GPR158: variants seen among roughly 807,000 people sequenced by gnomAD.
GPR158 encodes metabotropic glycine receptor.
A neutral mutation model predicts 78.2 loss-of-function variants in GPR158; 30 were observed. The observed-to-expected ratio is 0.38, with a 90% confidence interval of 0.29 to 0.52. GPR158 has a LOEUF of 0.52. Among genes scored for constraint, GPR158 ranks in the 20% least tolerant of loss-of-function variants. The probability of loss-of-function intolerance (pLI) is 0.83; values close to 1 mark genes in which losing one functional copy is unlikely to be tolerated. For missense variants in GPR158, 1,463 were observed against 1,523.5 expected (o/e 0.96, Z 0.66); for synonymous variants, 581 against 591.1 (o/e 0.98, Z 0.25).
Position 25,572,718 on chromosome 10 carries a change from G to A in GPR158, c.1584G>A (p.Arg528=), listed in dbSNP as rs377688066. The A allele has an allele frequency of 5.0e-6, 8 of 1,613,952 alleles. No individual in the cohort carries two copies. The highest frequency in any genetic ancestry group is 6.8e-6 in the Non-Finnish European group (8 of 1,179,900). Residue 528 remains arginine, a synonymous_variant, in exon 7 of 11, where the codon AGG becomes AGA. Coordinates refer to ENST00000376351, the MANE Select transcript of GPR158 (RefSeq NM_020752.3). ...IPYMTGGRVM[R]MLAVILLVVF... ...ATATGACTGGCGGACGGGTCATGAGGATGCTGGCAGTAATACTCTTGGTAG... is the reference window on the plus strand; with the variant it reads ...ATATGACTGGCGGACGGGTCATGAGAATGCTGGCAGTAATACTCTTGGTAG...
chr10:25,302,596 A>G (rs1854615533), intron 2 of GPR158, among the ~76,000 whole-genome samples: 1 of 152,064 alleles, frequency 6.6e-6, no homozygotes, highest in Non-Finnish European at 1.5e-5. Context: ...CCAGGTAGTA[A>G]ATATTTTGGG....
intron 4 of GPR158, among the ~76,000 whole-genome samples, chr10:25,452,034 T>TTGGTC (rs2130602075): frequency 6.6e-6 from 1 of 151,706 alleles, no homozygotes; most frequent in Admixed American, 6.6e-5. Context: ...TTGGTTTGGT[T>TTGGTC]TGGTTTTTGT....
intron 2 of GPR158, among the ~76,000 whole-genome samples, chr10:25,390,398 A>T (rs1199747190): frequency 6.6e-6 from 1 of 152,228 alleles, no homozygotes; most frequent in Non-Finnish European, 1.5e-5. Context: ...GATATAGATG[A>T]TGAAGTCCAG....
intron 6 of GPR158, among the ~76,000 whole-genome samples, chr10:25,553,824 C>T (rs929848622): frequency 6.6e-6 from 1 of 152,100 alleles, no homozygotes; most frequent in Non-Finnish European, 1.5e-5. Context: ...TTCAATTCTG[C>T]CATTACTTAT....
At chr10:25,346,389 G>C (rs1855371864) in intron 2 of GPR158, among the ~76,000 whole-genome samples, 1 of 151,866 alleles carries the variant, frequency 6.6e-6, no homozygotes, top group Non-Finnish European at 1.5e-5. Context: ...ATTATTCCTA[G>C]TGCCTCAAAA....
At position 25,484,793 on chromosome 10, in the gene GPR158, C is replaced by G. The variant is rs192846013; in HGVS notation, c.1404+18074C>G. Among the ~76,000 whole-genome samples, 231 of 152,182 alleles carry G rather than the reference C, an allele frequency of 1.5e-3. 1 individual carries two copies. Among genetic ancestry groups the G allele is most frequent in the African/African-American group, 5.2e-3 (217 of 41,536 alleles). ...GTAGTTACTGTTTCTTCCTTGAATA[C>G]AAAAATGCTTCTCAAATTTTCCCAT... On this transcript the variant is annotated intron_variant, in intron 5 of 10. Coordinates refer to ENST00000376351, the MANE Select transcript of GPR158 (RefSeq NM_020752.3).
intron 4 of GPR158, among the ~76,000 whole-genome samples, chr10:25,448,319 T>C (rs1224204596): frequency 6.6e-6 from 1 of 152,058 alleles, no homozygotes; most frequent in East Asian, 1.9e-4. Context: ...CTCGATCTTC[T>C]GACCTCATGA....
Position 25,469,831 on chromosome 10 carries a change from GC to G in GPR158, c.1404+3120del, listed in dbSNP as rs202178015. On this transcript the variant is annotated intron_variant, in intron 5 of 10. Coordinates refer to ENST00000376351, the MANE Select transcript of GPR158 (RefSeq NM_020752.3). ...AAAAGATGCAGCAAGAATCTAATGA[GC>G]CCCCCCCAACATTCACTGCTACCAC... 5.5e-4 allele frequency among the ~76,000 whole-genome samples: 75 copies of G among 136,162 alleles called. 1 individual carries two copies. The highest frequency in any genetic ancestry group is 2.9e-3 in the East Asian group (13 of 4,546). 89.3% of individuals were successfully genotyped at this position (136,162 alleles called of 152,430 possible). A position where few individuals can be genotyped will look rare whatever the true frequency, so the allele number is the denominator to read the frequency against.
At chr10:25,355,967 C>T (rs1855544435) in intron 2 of GPR158, among the ~76,000 whole-genome samples, 1 of 152,024 alleles carries the variant, frequency 6.6e-6, no homozygotes, top group Non-Finnish European at 1.5e-5. Flanking sequence ...TTTCACCTCC[C>T]CACTTTCTCT....
intron 5 of GPR158, among the ~76,000 whole-genome samples, chr10:25,538,214 C>T (rs1487799959): frequency 4.0e-5 from 6 of 151,230 alleles, no homozygotes; most frequent in African/African-American, 4.9e-5. Context: ...TCAGATTTGC[C>T]GTTGTTGTTG....
At chr10:25,584,813 G>A (rs1436809752) in intron 7 of GPR158, among the ~76,000 whole-genome samples, 1 of 152,172 alleles carries the variant, frequency 6.6e-6, no homozygotes, top group East Asian at 1.9e-4. Context: ...GAGACAAAAT[G>A]AAAATCTAAC....
At chr10:25,410,517 G>A (rs928129164) in intron 3 of GPR158, among the ~76,000 whole-genome samples, 1 of 152,130 alleles carries the variant, frequency 6.6e-6, no homozygotes, top group Admixed American at 6.5e-5. Context: ...TCAGGAAGCC[G>A]AGGCAGGAGA....
intron 2 of GPR158, among the ~76,000 whole-genome samples, chr10:25,292,020 G>C (rs1037329811): frequency 6.6e-6 from 1 of 151,964 alleles, no homozygotes; most frequent in African/African-American, 2.4e-5. Flanking sequence ...GCATAAACTT[G>C]GCCCCGGCAG....
chr10:25,206,603 T>A (rs373397852), intron 1 of GPR158, among the ~76,000 whole-genome samples: 1 of 152,200 alleles, frequency 6.6e-6, no homozygotes, highest in African/African-American at 2.4e-5. Flanking sequence ...AAAACATATA[T>A]GTTAAATATT....
At chr10:25,263,757 T>G (rs1367668301) in intron 2 of GPR158, among the ~76,000 whole-genome samples, 1 of 151,968 alleles carries the variant, frequency 6.6e-6, no homozygotes, top group Middle Eastern at 3.2e-3. Context: ...GCCAACATGG[T>G]GAAACCCCGT....
intron 2 of GPR158, among the ~76,000 whole-genome samples, chr10:25,307,377 CTTTTTT>C (rs561085223): frequency 0.12 from 13,259 of 114,342 alleles, 1,287 homozygotes; most frequent in African/African-American, 0.28. Flanking sequence ...ATTTTAATTG[CTTTTTT>C]TTTTTTTTTT....
At chr10:25,460,801 T>G (rs761235631) in intron 4 of GPR158, among the ~76,000 whole-genome samples, 1 of 152,226 alleles carries the variant, frequency 6.6e-6, no homozygotes, top group Non-Finnish European at 1.5e-5. Context: ...TAAAGGTTTG[T>G]GGCAACTCTA....
intron 8 of GPR158, among the ~76,000 whole-genome samples, chr10:25,591,570 A>G (rs955280891): frequency 5.9e-5 from 9 of 152,134 alleles, no homozygotes; most frequent in African/African-American, 2.2e-4. Context: ...TGTACTTGCA[A>G]GATCAATTTT....
chr10:25,363,360 A>T (rs1053035527), intron 2 of GPR158, among the ~76,000 whole-genome samples: 7 of 151,962 alleles, frequency 4.6e-5, no homozygotes, highest in Admixed American at 6.6e-5. Context: ...TATTTAATTC[A>T]TATGACTAAG....
Sources: gnomAD v4.1 joint callset for allele counts (sites outside exome capture counted in the v4.1 genomes callset) on GRCh38, gnomAD v4.1.1 for gene constraint, MANE v1.5 for transcripts, NCBI Gene and HGNC (gene_info 2026-07-23, HGNC 2026-07-21) for gene names.